The following PSD variants were observed in gnomAD, a reference collection of about 807,000 sequenced individuals.
PSD encodes the protein pleckstrin and Sec7 domain containing.
Under a neutral mutation model 91.6 loss-of-function variants are expected in PSD, and 32 were observed. The ratio of observed to expected loss-of-function variants is 0.35; its 90% CI spans 0.26 to 0.47. The LOEUF (loss-of-function observed/expected upper bound fraction) is 0.47. PSD is among the 20% of genes least tolerant of loss of function. The probability of loss-of-function intolerance (pLI) is 1.00; values close to 1 mark genes in which losing one functional copy is unlikely to be tolerated. For missense variants in PSD, 1,099 were observed against 1,373.9 expected (o/e 0.80, Z 3.16); for synonymous variants, 532 against 569.3 (o/e 0.93, Z 0.93).
At chr10:102,408,956 T>C (rs1374074591) in intron 10 of PSD, 3 of 984,420 alleles carry the variant, frequency 3.0e-6, no homozygotes, top group Admixed American at 6.2e-5. Flanking sequence ...GAGCACGGGC[T>C]TGAGGCTGCG....
chr10:102,416,470 G>A lies in PSD; in HGVS notation c.569C>T (p.Ser190Phe), dbSNP rs1458213895. ...PPQVGADGLY[S>F]SLPNGLGGPP... Reference sequence around the variant, plus strand: ...GCCCCCCAGCCCATTGGGGAGAGAGGAGTAAAGGCCATCTGCTCCAACCTG... The same window carrying A: ...GCCCCCCAGCCCATTGGGGAGAGAGAAGTAAAGGCCATCTGCTCCAACCTG... The change falls in exon 2 of 17, where the codon TCC becomes TTC. Residue 190 changes from serine to phenylalanine, a missense_variant. By Grantham distance (155) the Ser-to-Phe change is radical (BLOSUM62 -2). Coordinates refer to ENST00000020673, the MANE Select transcript of PSD (RefSeq NM_002779.5). This position sits in a 1 kb window ranked among gnomAD's most constrained non-coding sequence, Gnocchi z 6.0. 3 of 1,613,534 alleles carry A rather than the reference G, an allele frequency of 1.9e-6. No individual in the cohort carries two copies. Among genetic ancestry groups the A allele is most frequent in the African/African-American group, 1.3e-5 (1 of 75,056 alleles).
At chr10:102,407,183 A>G in intron 11 of PSD, 40 bp downstream of exon 11, 1 of 1,438,616 alleles carries the variant, frequency 7.0e-7, no homozygotes, top group Non-Finnish European at 9.4e-7. Context: ...CCCCTTCCCC[A>G]TGCCCCATCC....
intron 10 of PSD, among the ~76,000 whole-genome samples, 157 bp from the exon 11 acceptor site, chr10:102,407,423 G>A (rs766726809): frequency 2.0e-5 from 3 of 152,140 alleles, no homozygotes; most frequent in Non-Finnish European, 2.9e-5. Context: ...TGGAGACCCA[G>A]ACCCGGCTCC....
At chr10:102,407,314 G>GC (rs1304080575) in intron 10 of PSD, 48 bp from the exon 11 acceptor site, 3 of 1,314,220 alleles carry the variant, frequency 2.3e-6, no homozygotes, top group East Asian at 2.7e-5. Context: ...CAGTACCGCA[G>GC]TGTCAGAGCT....
intron 5 of PSD, 24 bp downstream of exon 5, chr10:102,413,745 T>C (rs567174692): frequency 1.3e-6 from 2 of 1,587,298 alleles, no homozygotes; most frequent in African/African-American, 2.7e-5. Context: ...GCCTCAAGTC[T>C]GAGGGACAAA....
rs2061411272 is a variant in PSD, at chr10:102,410,229, C to CT, written c.2091+628_2091+629insA. 2.0e-5 allele frequency among the ~76,000 whole-genome samples: 3 copies of CT among 152,160 alleles called. No homozygotes were observed. The highest frequency in any genetic ancestry group is 4.4e-5 in the Non-Finnish European group (3 of 68,040). On this transcript the variant is annotated intron_variant, in intron 10 of 16. Coordinates refer to ENST00000020673, the MANE Select transcript of PSD (RefSeq NM_002779.5). This position sits in a 1 kb window ranked among gnomAD's most constrained non-coding sequence, Gnocchi z 6.0. ...AGAGGAGTGAACCCACTGGATGAGC[C>CT]ACTCCCTTCTCCTACCGGCACCAGC... is the stretch of plus-strand genomic sequence containing the variant.
Position 102,416,405 on chromosome 10 carries a change from C to T in PSD, c.634G>A (p.Asp212Asn), listed in dbSNP as rs1369489518. The change falls in exon 2 of 17, where the codon GAC becomes AAC. Residue 212 changes from aspartate to asparagine, a missense_variant. This residue lies in a region of PSD where 631 missense variants were observed against 728.8 expected (regional missense o/e 0.87). Transcript: ENST00000020673. The surrounding 1 kb of genome is among the most constrained non-coding windows in gnomAD (Gnocchi z 6.0). ...CATACCTGGTTCAGGAATCCAGTGT[C>T]AGCAGGTCCTCCGAAGAGTGTGGCC... is the stretch of plus-strand genomic sequence containing the variant. Reference protein sequence around the residue: ...RLATLFGGPADTGFLNQGDTW... With the variant: ...RLATLFGGPANTGFLNQGDTW... 2 of 1,604,390 alleles carry T rather than the reference C, an allele frequency of 1.2e-6. No individual in the cohort carries two copies. Among genetic ancestry groups the T allele is most frequent in the African/African-American group, 2.7e-5 (2 of 74,998 alleles).
chr10:102,403,156 A>G lies in PSD; in HGVS notation c.*44T>C. The G allele has an allele frequency of 1.4e-6, 2 of 1,406,474 alleles. No homozygotes were observed. Among genetic ancestry groups the G allele is most frequent in the South Asian group, 1.5e-5 (1 of 66,732 alleles). 87.1% of individuals were successfully genotyped at this position (1,406,474 alleles called of 1,614,324 possible). A position where few individuals can be genotyped will look rare whatever the true frequency, so the allele number is the denominator to read the frequency against. On this transcript the variant is annotated 3_prime_UTR_variant, in exon 17 of 17. Coordinates refer to ENST00000020673, the MANE Select transcript of PSD (RefSeq NM_002779.5). This position sits in a 1 kb window ranked among gnomAD's most constrained non-coding sequence, Gnocchi z 6.7. The stretch of plus-strand genomic sequence containing the variant: ...GCCCGGGCTCAGGCAGGGCCATGTC[A>G]TCCTTCAGGTGCCCAGCAGGCACTC...
At chr10:102,412,313 A>C in intron 6 of PSD, 68 bp downstream of exon 6, 1 of 1,609,168 alleles carries the variant, frequency 6.2e-7, no homozygotes. Flanking sequence ...AGGGGACATT[A>C]GATGGAGAGC....
At position 102,413,961 on chromosome 10, in the gene PSD, T is replaced by G. The variant is rs756761824; in HGVS notation, c.1361A>C (p.Asp454Ala). ...LPPQPPAPRP[D>A]PPAPAPLAPL... is the part of the protein sequence containing the mutation. Reference sequence around the variant, plus strand: ...GGCAAGTGGGGCGGGAGCTGGTGGGTCGGGCCGGGGTGCAGGGGGTTGGGG... The same window carrying G: ...GGCAAGTGGGGCGGGAGCTGGTGGGGCGGGCCGGGGTGCAGGGGGTTGGGG... Residue 454 changes from aspartate (D) to alanine (A), a missense_variant, in exon 5 of 17, where the codon GAC becomes GCC. Transcript: ENST00000020673. 28 of 1,610,022 alleles carry G rather than the reference T, an allele frequency of 1.7e-5. No homozygotes were observed. Among genetic ancestry groups the G allele is most frequent in the Non-Finnish European group, 1.7e-5 (20 of 1,178,680 alleles).
At chr10:102,418,825 C>G (rs1042279606), upstream of PSD, 3 of 416,088 alleles carry the variant, frequency 7.2e-6, no homozygotes, top group South Asian at 1.7e-5. Flanking sequence ...CCCCCTACCC[C>G]CTACGCGCCG....
rs368693275 is a variant in PSD at position 102,405,676 on chromosome 10, C to T, written c.2136-140G>A. On this transcript the variant is annotated intron_variant, in intron 11 of 16. Transcript: ENST00000020673. This position sits in a 1 kb window ranked among gnomAD's most constrained non-coding sequence, Gnocchi z 5.4. Reference sequence around the variant, plus strand: ...AACCTGAGGGTCCTGCCATGTCTCCCGTCTCAGATCAGGCCTCCACAATGT... The same window carrying T: ...AACCTGAGGGTCCTGCCATGTCTCCTGTCTCAGATCAGGCCTCCACAATGT... 2.0e-5 allele frequency: 15 copies of T among 756,172 alleles called. No individual in the cohort carries two copies. Among genetic ancestry groups the T allele is most frequent in the East Asian group, 1.4e-4 (5 of 36,946 alleles). 46.8% of individuals were successfully genotyped at this position (756,172 alleles called of 1,614,324 possible).
intron 5 of PSD, 34 bp downstream of exon 5, chr10:102,413,735 G>T (rs2061446389): frequency 1.9e-6 from 3 of 1,568,542 alleles, no homozygotes; most frequent in South Asian, 1.2e-5. Flanking sequence ...AGCCCTGGGG[G>T]CCTCAAGTCT....
At chr10:102,411,633 T>TAC (rs140066032) in intron 8 of PSD, 74 bp downstream of exon 8, 3 of 1,097,088 alleles carry the variant, frequency 2.7e-6, no homozygotes, top group South Asian at 2.6e-5. Context: ...CATGCTCCTG[T>TAC]ACACACACAC....
In PSD at chr10:102,409,030, G is replaced by C. The variant is rs1237554742; in HGVS notation, c.2092-1764C>G. 6.7e-5 allele frequency: 66 copies of C among 986,570 alleles called. No individual in the cohort carries two copies. The highest frequency in any genetic ancestry group is 7.8e-5 in the Non-Finnish European group (65 of 830,056). The allele number at this position is 986,570 out of a possible 1,614,324, so 61.1% of individuals were successfully genotyped here. ...CGCGGTGGGTGCGCCCGTAGCGCAC[G>C]GAGCACAGCGAGCGCGAGCGCAGCC... On this transcript the variant is annotated intron_variant, in intron 10 of 16. Transcript: ENST00000020673. This position sits in a 1 kb window ranked among gnomAD's most constrained non-coding sequence, Gnocchi z 5.7.
Position 102,405,647 on chromosome 10 carries a change from G to C in PSD, c.2136-111C>G, listed in dbSNP as rs2061352481. 1.9e-6 allele frequency: 2 copies of C among 1,028,512 alleles called. No individual in the cohort carries two copies. The allele number at this position is 1,028,512 out of a possible 1,614,324, so 63.7% of individuals were successfully genotyped here. On this transcript the variant is annotated intron_variant, in intron 11 of 16. Transcript: ENST00000020673. This position sits in a 1 kb window ranked among gnomAD's most constrained non-coding sequence, Gnocchi z 5.4. The stretch of plus-strand genomic sequence containing the variant: ...TCCCCCAGTGTTTGTGGCTTGGGGG[G>C]CTCAACCTGAGGGTCCTGCCATGTC...
Position 102,404,622 on chromosome 10 carries a change from G to A in PSD, c.2661C>T (p.Ser887=), listed in dbSNP as rs1350143213. 3 of 1,611,920 alleles carry A rather than the reference G, an allele frequency of 1.9e-6. No individual in the cohort carries two copies. Among genetic ancestry groups the A allele is most frequent in the African/African-American group, 2.7e-5 (2 of 74,830 alleles). ...PAAVSSQKKF[S]RPLLPSAATR... ...TGGCAGCGCTGGGCAGGAGAGGGCG[G>A]CTGAACTTCTTTTGGGAGCTAACAG... Residue 887 remains serine (S), a synonymous_variant, in exon 15 of 17, where the codon AGC becomes AGT. Coordinates refer to ENST00000020673, the MANE Select transcript of PSD (RefSeq NM_002779.5). This position sits in a 1 kb window ranked among gnomAD's most constrained non-coding sequence, Gnocchi z 5.7.
chr10:102,413,244 C>G (rs573949836), intron 5 of PSD, among the ~76,000 whole-genome samples: 1 of 152,338 alleles, frequency 6.6e-6, no homozygotes, highest in African/African-American at 2.4e-5. Context: ...CTGGCCACCC[C>G]CTCCTGTTGC....
intron 5 of PSD, 97 bp from the exon 6 acceptor site, chr10:102,412,672 GGGAGT>G (rs2061436531): frequency 4.9e-6 from 5 of 1,019,908 alleles, no homozygotes; most frequent in Non-Finnish European, 7.1e-6. Context: ...GAGAAGGGGA[GGGAGT>G]GGAGGGACAT....
Sources: allele counts gnomAD v4.1 joint callset (sites outside exome capture counted in the v4.1 genomes callset), GRCh38; gene constraint gnomAD v4.1.1; regional missense constraint gnomAD v4.1.1; non-coding constraint Gnocchi (gnomAD v3.1); transcripts MANE v1.5; gene names NCBI Gene and HGNC (gene_info 2026-07-23, HGNC 2026-07-21).